The following GALNT17 variants were observed in gnomAD, a reference collection of about 807,000 sequenced individuals.
GALNT17 encodes polypeptide N-acetylgalactosaminyltransferase 17.
GALNT17 carries 29 observed loss-of-function variants against 63.7 expected under a neutral mutation model. The ratio of observed to expected loss-of-function variants is 0.46; its 90% confidence interval spans 0.34 to 0.62. The LOEUF is 0.62. GALNT17 is among the 20% of genes least tolerant of loss of function. GALNT17 has a pLI of 0.01. For synonymous variants in GALNT17, 305 were observed against 318.3 expected, an observed-to-expected ratio of 0.96 and a Z score of 0.45; for missense variants, 603 against 799.6, an observed-to-expected ratio of 0.75 and a Z score of 2.97.
intron 5 of GALNT17, among the ~76,000 whole-genome samples, chr7:71,528,024 C>A (rs1335116281): frequency 6.6e-6 from 1 of 152,194 alleles, no homozygotes; most frequent in Non-Finnish European, 1.5e-5. Flanking sequence ...TCTTGGCAAG[C>A]AAGCTACAAA....
At chr7:71,604,099 A>G (rs1393555982) in intron 6 of GALNT17, among the ~76,000 whole-genome samples, 2 of 152,072 alleles carry the variant, frequency 1.3e-5, no homozygotes, top group Non-Finnish European at 2.9e-5. Context: ...TGCTAAGTGC[A>G]TACAGTGGAT....
intron 1 of GALNT17, among the ~76,000 whole-genome samples, chr7:71,199,125 C>T (rs1379753175): frequency 3.3e-5 from 5 of 152,192 alleles, no homozygotes; most frequent in African/African-American, 1.2e-4. Context: ...TCAAGAATGA[C>T]TCATTTAAGC....
Position 71,132,813 on chromosome 7 carries a change from T to A in GALNT17, c.11T>A (p.Leu4Gln). The change falls in exon 1 of 11, where the codon CTG becomes CAG. Residue 4 changes from leucine to glutamine, a missense_variant. Leu to Gln is a moderately radical substitution (Grantham distance 113). Coordinates refer to ENST00000333538, the MANE Select transcript of GALNT17 (RefSeq NM_022479.3). MAS[L>Q]RRVKVLLVLN... ...CGGCCGGGCTGTTTGATGGCTTCAC[T>A]GAGAAGAGTCAAAGTGCTGTTGGTG... The A allele has an allele frequency of 6.2e-7, 1 of 1,606,256 alleles. No individual in the cohort carries two copies. Among genetic ancestry groups the A allele is most frequent in the South Asian group, 1.1e-5 (1 of 90,094 alleles).
intron 1 of GALNT17, among the ~76,000 whole-genome samples, chr7:71,173,090 T>A (rs1788574117): frequency 6.6e-6 from 1 of 152,232 alleles, no homozygotes; most frequent in African/African-American, 2.4e-5. Flanking sequence ...TAAGCCTACC[T>A]GTCTCAACAC....
chr7:71,270,713 G>A (rs1213600212), intron 1 of GALNT17, among the ~76,000 whole-genome samples: 1 of 151,984 alleles, frequency 6.6e-6, no homozygotes, highest in Non-Finnish European at 1.5e-5. Context: ...TTGAGGTGGT[G>A]GATGTTTGCT....
chr7:71,193,851 T>C (rs1441795386), intron 1 of GALNT17, among the ~76,000 whole-genome samples: 2 of 152,206 alleles, frequency 1.3e-5, no homozygotes, highest in African/African-American at 2.4e-5. Context: ...AATAAAATAA[T>C]GTGTTGTGGT....
chr7:71,252,889 T>C (rs1562949372), intron 1 of GALNT17, among the ~76,000 whole-genome samples: 2 of 152,248 alleles, frequency 1.3e-5, no homozygotes, highest in South Asian at 4.1e-4. Flanking sequence ...AAAGCAGTTC[T>C]ATTGAGTTTC....
At chr7:71,251,316 G>T (rs1228397662) in intron 1 of GALNT17, among the ~76,000 whole-genome samples, 3 of 152,158 alleles carry the variant, frequency 2.0e-5, no homozygotes, top group African/African-American at 7.2e-5. Flanking sequence ...TTCTATTTCT[G>T]TATGGTTCAT....
At chr7:71,441,707 A>T (rs772365904) in intron 5 of GALNT17, among the ~76,000 whole-genome samples, 1 of 150,926 alleles carries the variant, frequency 6.6e-6, no homozygotes, top group Non-Finnish European at 1.5e-5. Flanking sequence ...TCATTGGTCA[A>T]CTCCCACTTA....
chr7:71,299,122 G>A (rs899018122), intron 1 of GALNT17, among the ~76,000 whole-genome samples: 4 of 152,124 alleles, frequency 2.6e-5, no homozygotes, highest in East Asian at 1.9e-4. Context: ...ACCTGGGCCC[G>A]CCCCTCATTC....
At chr7:71,697,201 G>T (rs1292925684) in intron 9 of GALNT17, among the ~76,000 whole-genome samples, 1 of 152,178 alleles carries the variant, frequency 6.6e-6, no homozygotes, top group African/African-American at 2.4e-5. Flanking sequence ...GACCATGAGA[G>T]CAATGGAAGA....
intron 2 of GALNT17, among the ~76,000 whole-genome samples, chr7:71,366,015 A>G (rs1236098245): frequency 1.3e-5 from 2 of 152,150 alleles, no homozygotes; most frequent in African/African-American, 4.8e-5. Flanking sequence ...CAGGCATTAG[A>G]TTCTCATAAG....
chr7:71,385,323 C>T (rs756506720), intron 2 of GALNT17, among the ~76,000 whole-genome samples: 1 of 152,190 alleles, frequency 6.6e-6, no homozygotes, highest in Non-Finnish European at 1.5e-5. Context: ...TCTGCCCAGC[C>T]GTCTGAGCAT....
At chr7:71,495,799 T>C (rs746446504) in intron 5 of GALNT17, among the ~76,000 whole-genome samples, 1 of 152,120 alleles carries the variant, frequency 6.6e-6, no homozygotes. Context: ...CTGTCTCCAA[T>C]TGTATAGGGA....
At chr7:71,235,429 G>A (rs1441587335) in intron 1 of GALNT17, among the ~76,000 whole-genome samples, 5 of 152,120 alleles carry the variant, frequency 3.3e-5, no homozygotes, top group Admixed American at 2.6e-4. Flanking sequence ...GACCTGGAGT[G>A]ACTCGGATAG....
intron 6 of GALNT17, among the ~76,000 whole-genome samples, chr7:71,654,701 G>A (rs572540989): frequency 2.1e-4 from 26 of 125,732 alleles, no homozygotes; most frequent in Non-Finnish European, 4.2e-4. Flanking sequence ...TTAACTTCAG[G>A]TATCTATGTG....
At chr7:71,648,578 CT>C (rs1441674779) in intron 6 of GALNT17, among the ~76,000 whole-genome samples, 1 of 152,036 alleles carries the variant, frequency 6.6e-6, no homozygotes, top group Non-Finnish European at 1.5e-5. Context: ...TGGTCCACTC[CT>C]TTTTTAAGTT....
chr7:71,504,907 TC>T (rs1788242444), intron 5 of GALNT17, among the ~76,000 whole-genome samples: 1 of 152,118 alleles, frequency 6.6e-6, no homozygotes, highest in African/African-American at 2.4e-5. Context: ...TTGTCATCTC[TC>T]CCCTGGGTCT....
chr7:71,236,442 CCT>C (rs1249719059), intron 1 of GALNT17, among the ~76,000 whole-genome samples: 1 of 152,162 alleles, frequency 6.6e-6, no homozygotes, highest in African/African-American at 2.4e-5. Flanking sequence ...GTTGGACGGG[CCT>C]AGTCTCCTGC....
Sources: gnomAD v4.1 joint callset for allele counts (sites outside exome capture counted in the v4.1 genomes callset) on GRCh38, gnomAD v4.1.1 for gene constraint, MANE v1.5 for transcripts, NCBI Gene and HGNC (gene_info 2026-07-23, HGNC 2026-07-21) for gene names.